ZFP1: variants seen among roughly 807,000 people sequenced by gnomAD.
The protein encoded by ZFP1 is zinc finger protein 1 homolog.
In ZFP1, 32 loss-of-function variants were observed where a neutral mutation model predicts 38.5. That is an observed-to-expected ratio of 0.83 (90% CI 0.63 to 1.12). ZFP1 has a LOEUF of 1.12. Among genes scored for constraint, ZFP1 ranks in the 50% most tolerant of loss-of-function variants. The probability of loss-of-function intolerance (pLI) is 0.00; values close to 1 mark genes in which losing one functional copy is unlikely to be tolerated. For synonymous variants in ZFP1, 245 were observed against 168.8 expected, an observed-to-expected ratio of 1.45 and a Z score of -3.50; for missense variants, 616 against 480.8, an observed-to-expected ratio of 1.28 and a Z score of -2.63.
chr16:75,167,711 C>T lies in ZFP1; in HGVS notation c.142+815C>T, dbSNP rs529819348. On this transcript the variant is annotated intron_variant, in intron 3 of 3. Coordinates refer to ENST00000570010, the MANE Select transcript of ZFP1 (RefSeq NM_153688.4). ...ACCTCCTGAGCTCAAGTAGTCTTCC[C>T]ACCTCAGCCTGGAGTAGCTGGGATC... 1.8e-4 allele frequency among the ~76,000 whole-genome samples: 27 copies of T among 152,242 alleles called. No homozygotes were observed. The South Asian group carries it at 5.4e-3, about 30-fold the overall frequency.
intron 2 of ZFP1, among the ~76,000 whole-genome samples, chr16:75,161,370 A>G (rs1322045544): frequency 6.6e-6 from 1 of 151,802 alleles, no homozygotes; most frequent in East Asian, 1.9e-4. Context: ...CGCCCGGCCA[A>G]CAACACTCAC....
At chr16:75,123,908 G>A in the ZFP1 span, among the ~76,000 whole-genome samples, 48 of 147,024 alleles carry the variant, frequency 3.3e-4, no homozygotes, top group Non-Finnish European at 3.7e-4. Context: ...TGGCCGACAC[G>A]GTGAAACCCT....
intron 2 of ZFP1, among the ~76,000 whole-genome samples, chr16:75,160,860 C>G (rs778032999): frequency 6.6e-6 from 1 of 151,922 alleles, no homozygotes; most frequent in Non-Finnish European, 1.5e-5. Context: ...TTTCATCAAG[C>G]CCCGTTAGAA....
At chr16:75,154,076 T>G (rs899163874) in intron 2 of ZFP1, among the ~76,000 whole-genome samples, 1 of 152,012 alleles carries the variant, frequency 6.6e-6, no homozygotes, top group South Asian at 2.1e-4. Flanking sequence ...TACAAAAAAT[T>G]AGCCAGGCGT....
At chr16:75,161,146 C>G (rs1450390774) in intron 2 of ZFP1, among the ~76,000 whole-genome samples, 3 of 152,128 alleles carry the variant, frequency 2.0e-5, no homozygotes, top group African/African-American at 7.2e-5. Flanking sequence ...TGGCTCACTG[C>G]CACCTCCGCC....
chr16:75,125,065 C>A, the ZFP1 span, among the ~76,000 whole-genome samples: 1 of 151,740 alleles, frequency 6.6e-6, no homozygotes, highest in African/African-American at 2.4e-5. Flanking sequence ...TTGAGACCAG[C>A]CTGGCCAACA....
intron 2 of ZFP1, among the ~76,000 whole-genome samples, chr16:75,163,208 A>T (rs1043440197): frequency 2.0e-5 from 3 of 151,346 alleles, no homozygotes; most frequent in Non-Finnish European, 4.4e-5. Context: ...CGCCCGGCCA[A>T]TGTTTTTTAT....
chr16:75,169,332 G>A lies in ZFP1; in HGVS notation c.222G>A (p.Lys74=). The change falls in exon 4 of 4, where the codon AAG becomes AAA. Residue 74 remains lysine (K), a synonymous_variant. Transcript: ENST00000570010. ...AGGCGAGGCAATTTTTAATTCTTAA[G>A]AACCAAACCCCAATTGAGGAAAGAG... ...DEQARQFLIL[K]NQTPIEERGD... The A allele has an allele frequency of 1.9e-6, 3 of 1,614,102 alleles. No individual in the cohort carries two copies. Among genetic ancestry groups the A allele is most frequent in the South Asian group, 2.2e-5 (2 of 91,068 alleles).
chr16:75,164,986 G>C lies in ZFP1; in HGVS notation c.16-1784G>C, dbSNP rs895807050. Among the ~76,000 whole-genome samples, 18 of 152,104 alleles carry C rather than the reference G, an allele frequency of 1.2e-4. No individual in the cohort carries two copies. In the South Asian group the frequency reaches 1.2e-3, roughly 11 times the overall value. On this transcript the variant is annotated intron_variant, in intron 2 of 3. Coordinates refer to ENST00000570010, the MANE Select transcript of ZFP1 (RefSeq NM_153688.4). ...ATGCCCGGCTAATTTTGTATTTTTA[G>C]TAGAGACGGGGTTTCTCCATTTTGG...
At chr16:75,148,409 G>C (rs1055694724), upstream of ZFP1, 2 of 152,248 alleles carry the variant, frequency 1.3e-5, no homozygotes, top group Non-Finnish European at 2.9e-5. Context: ...CGCGGCCCCG[G>C]AGGCTTGTGG....
At chr16:75,148,956 G>C (rs946297759) in intron 1 of ZFP1, 8 of 152,002 alleles carry the variant, frequency 5.3e-5, no homozygotes, top group Non-Finnish European at 1.0e-4. Flanking sequence ...GCGAGTTCTG[G>C]AGCCCCGGCG....
rs370023325 is a variant in ZFP1, at chr16:75,170,450, C to T, written c.*116C>T. ...TTCATACTGAGATGCAATCTCTCAA[C>T]TCAAAAATGTATTAAAAATAGGATC... is the stretch of plus-strand genomic sequence containing the variant. On this transcript the variant is annotated 3_prime_UTR_variant, in exon 4 of 4. Transcript: ENST00000570010. 115 of 1,359,118 alleles carry T rather than the reference C, an allele frequency of 8.5e-5. 1 individual carries two copies. In the East Asian group the frequency reaches 1.5e-3, roughly 18 times the overall value. The allele number at this position is 1,359,118 out of a possible 1,614,324, so 84.2% of individuals were successfully genotyped here. A position where few individuals can be genotyped will look rare whatever the true frequency, so the allele number is the denominator to read the frequency against.
At chr16:75,155,638 TGGGTGCCC>T (rs2037433405) in intron 2 of ZFP1, among the ~76,000 whole-genome samples, 2 of 152,200 alleles carry the variant, frequency 1.3e-5, no homozygotes, top group Non-Finnish European at 2.9e-5. Context: ...AATAATAAAA[TGGGTGCCC>T]ATGTAGGCAC....
At chr16:75,164,051 G>A (rs538347433) in intron 2 of ZFP1, among the ~76,000 whole-genome samples, 23 of 152,290 alleles carry the variant, frequency 1.5e-4, no homozygotes, top group African/African-American at 5.3e-4. Context: ...GGATTATATA[G>A]AATTTTGGGT....
chr16:75,164,409 GC>G (rs1467996209), intron 2 of ZFP1, among the ~76,000 whole-genome samples: 2 of 152,004 alleles, frequency 1.3e-5, no homozygotes, highest in African/African-American at 4.8e-5. Flanking sequence ...CTTTCTTCCT[GC>G]CACAACTTCT....
At chr16:75,151,775 C>T (rs201255195) in intron 1 of ZFP1, among the ~76,000 whole-genome samples, 1 of 151,832 alleles carries the variant, frequency 6.6e-6, no homozygotes, top group East Asian at 1.9e-4. Context: ...TAACGATTCT[C>T]GAGATTTTCA....
At chr16:75,125,938 A>T in the ZFP1 span, among the ~76,000 whole-genome samples, 4 of 150,580 alleles carry the variant, frequency 2.7e-5, no homozygotes, top group Non-Finnish European at 5.9e-5. Context: ...GTTACTCAGG[A>T]GGCTGAGGCA....
the ZFP1 span, among the ~76,000 whole-genome samples, chr16:75,130,760 G>T: frequency 6.6e-6 from 1 of 151,894 alleles, no homozygotes; most frequent in Non-Finnish European, 1.5e-5. Context: ...TGCCTGCCTA[G>T]CTACCTACCG....
the ZFP1 span, among the ~76,000 whole-genome samples, chr16:75,123,879 C>T: frequency 6.6e-6 from 1 of 151,774 alleles, no homozygotes; most frequent in East Asian, 2.0e-4. Context: ...ATCACAAGGT[C>T]AGGAAATCAA....
Sources: allele counts gnomAD v4.1 joint callset (sites outside exome capture counted in the v4.1 genomes callset), GRCh38; gene constraint gnomAD v4.1.1; transcripts MANE v1.5; gene names NCBI Gene and HGNC (gene_info 2026-07-23, HGNC 2026-07-21).